Variants in RPS6KA3 observed in about 807,000 individuals in gnomAD.
RPS6KA3 encodes ribosomal protein S6 kinase A3, also known as ribosomal protein S6 kinase alpha-3.
RPS6KA3 carries 4 observed loss-of-function variants against 67.2 expected under a neutral mutation model. The observed-to-expected ratio is 0.06, with a 90% CI of 0.03 to 0.14. RPS6KA3 has a LOEUF of 0.14. RPS6KA3 is among the 10% of genes least tolerant of loss of function. The probability of loss-of-function intolerance (pLI) is 1.00; values close to 1 mark genes in which losing one functional copy is unlikely to be tolerated. For synonymous variants in RPS6KA3, 182 were observed against 183.7 expected (o/e 0.99, Z 0.07); for missense variants, 204 against 559.0 (o/e 0.36, Z 6.40).
intron 9 of RPS6KA3, 79 bp downstream of exon 9, chrX:20,187,749 C>G: frequency 1.2e-6 from 1 of 825,404 alleles, no homozygotes; most frequent in Admixed American, 2.2e-5. Flanking sequence ...AATAAAAACA[C>G]CAGTTTCTTT....
chrX:20,253,034 AC>A (rs2147057166), intron 1 of RPS6KA3, among the ~76,000 whole-genome samples: 1 of 110,561 alleles, frequency 9.0e-6, no homozygotes, highest in South Asian at 3.9e-4. Flanking sequence ...GCTAGACACC[AC>A]CCTGGCAAGA....
At chrX:20,200,800 G>GC (rs761376471) in intron 4 of RPS6KA3, among the ~76,000 whole-genome samples, 3 of 110,470 alleles carry the variant, frequency 2.7e-5, no homozygotes, top group Non-Finnish European at 5.7e-5. Context: ...TCCCGCTTTA[G>GC]CCCCCCCAGT....
In RPS6KA3 at chrX:20,193,537, T is replaced by G; in HGVS notation, c.543A>C (p.Leu181Phe). The change falls in exon 7 of 22, where the codon TTA becomes TTC. Residue 181 changes from leucine (L) to phenylalanine (F), a missense_variant. This residue lies in a region of RPS6KA3 where 76 missense variants were observed against 250.3 expected (regional missense o/e 0.30). Coordinates refer to ENST00000379565, the MANE Select transcript of RPS6KA3 (RefSeq NM_004586.3). Reference sequence around the variant, plus strand: ...TTATTCCCAGGCTATGTAGATGGTCTAAAGCAAGTGCAAGTTCAGCCAAGT... The same window carrying G: ...TTATTCCCAGGCTATGTAGATGGTCGAAAGCAAGTGCAAGTTCAGCCAAGT... The part of the protein sequence containing the change: ...KFYLAELALA[L>F]DHLHSLGIIY... 1 of 1,202,110 alleles carries G rather than the reference T, an allele frequency of 8.3e-7. No homozygotes were observed. The highest frequency in any genetic ancestry group is 1.1e-6 in the Non-Finnish European group (1 of 887,025).
intron 7 of RPS6KA3, among the ~76,000 whole-genome samples, chrX:20,192,535 G>GCATAAATTAAA (rs1343122988): frequency 3.8e-5 from 4 of 105,627 alleles, no homozygotes; most frequent in Admixed American, 1.0e-4. Context: ...AAAAAAACGT[G>GCATAAATTAAA]CATAAATTAA....
In RPS6KA3 at chrX:20,180,873, T is replaced by C. The variant is rs1257731305; in HGVS notation, c.846-3789A>G. Among the ~76,000 whole-genome samples, 4 of 112,483 alleles carry C rather than the reference T, an allele frequency of 3.6e-5. 1 individual carries two copies. In the South Asian group the frequency reaches 1.5e-3, roughly 41 times the overall value. ...AAGATAAATCCAGAAAGCAGAGTTC[T>C]ATAAAACAACTGACTAGGTTTCTAT... On this transcript the variant is annotated intron_variant, in intron 10 of 21. Coordinates refer to ENST00000379565, the MANE Select transcript of RPS6KA3 (RefSeq NM_004586.3).
chrX:20,159,444 C>A (rs759590663), intron 20 of RPS6KA3, among the ~76,000 whole-genome samples: 1 of 112,340 alleles, frequency 8.9e-6, no homozygotes, highest in Non-Finnish European at 1.9e-5. Context: ...ATTGATAGAG[C>A]CCTCCCTTCT....
chrX:20,251,024 C>T (rs996765036), intron 1 of RPS6KA3, among the ~76,000 whole-genome samples: 1 of 112,162 alleles, frequency 8.9e-6, no homozygotes, highest in East Asian at 2.8e-4. Flanking sequence ...GCATCCAAGA[C>T]CACTCTGATT....
chrX:20,224,262 C>T (rs995446893), intron 2 of RPS6KA3, among the ~76,000 whole-genome samples: 1 of 110,801 alleles, frequency 9.0e-6, no homozygotes, highest in Non-Finnish European at 1.9e-5. Context: ...TGGTCGGTGA[C>T]TGACTTAGGT....
In RPS6KA3 at chrX:20,195,172, T is replaced by C. The variant is rs750598795; in HGVS notation, c.326-27A>G. On this transcript the variant is annotated intron_variant, in intron 4 of 21. Transcript: ENST00000379565. The stretch of plus-strand genomic sequence containing the variant: ...TATAAAAGATTGTATGTATGCTACA[T>C]TGTAATATCTTTCAAAGATAATCTT... 2.7e-5 allele frequency: 25 copies of C among 937,879 alleles called. 1 individual carries two copies. The highest frequency in any genetic ancestry group is 2.6e-4 in the Middle Eastern group (1 of 3,836). 77.3% of individuals were successfully genotyped at this position (937,879 alleles called of 1,213,427 possible).
At chrX:20,242,931 C>G (rs772813590) in intron 1 of RPS6KA3, among the ~76,000 whole-genome samples, 8 of 110,990 alleles carry the variant, frequency 7.2e-5, no homozygotes, top group Non-Finnish European at 1.1e-4. Context: ...ACTACTCTCT[C>G]CAGTCTGGTA....
chrX:20,232,247 A>T (rs1344250578), intron 2 of RPS6KA3, among the ~76,000 whole-genome samples: 7 of 109,304 alleles, frequency 6.4e-5, no homozygotes, highest in African/African-American at 2.3e-4. Context: ...TAACCAAAGC[A>T]TGAAACCCAG....
chrX:20,255,463 G>T (rs1173954974), intron 1 of RPS6KA3, among the ~76,000 whole-genome samples: 1 of 111,797 alleles, frequency 8.9e-6, no homozygotes, highest in African/African-American at 3.3e-5. Context: ...ATACAAGGGT[G>T]AATTTTATAG....
At chrX:20,263,823 AG>A (rs943527921) in intron 1 of RPS6KA3, among the ~76,000 whole-genome samples, 5 of 111,438 alleles carry the variant, frequency 4.5e-5, no homozygotes, top group African/African-American at 1.3e-4. Context: ...GGATTCAGAG[AG>A]GGGGGGAAAA....
At chrX:20,188,588 C>T in intron 7 of RPS6KA3, 54 bp from the exon 8 acceptor site, 1 of 632,881 alleles carries the variant, frequency 1.6e-6, no homozygotes, top group East Asian at 3.4e-5. Flanking sequence ...TTTATAGAAG[C>T]TAAGACTGAA....
At position 20,213,519 on chromosome X, in the gene RPS6KA3, A is replaced by T. The variant is rs1431803292; in HGVS notation, c.127-4115T>A. 5.4e-5 allele frequency among the ~76,000 whole-genome samples: 6 copies of T among 111,133 alleles called. No individual in the cohort carries two copies. In the Admixed American group the frequency reaches 5.8e-4, roughly 11 times the overall value. ...GCAAAAGGAGGCTAATAGTGCCCAT[A>T]TATTCTTCCTCTTAAACTTCTTCCC... On this transcript the variant is annotated intron_variant, in intron 2 of 21. Coordinates refer to ENST00000379565, the MANE Select transcript of RPS6KA3 (RefSeq NM_004586.3).
intron 2 of RPS6KA3, among the ~76,000 whole-genome samples, chrX:20,227,283 T>A (rs1156916848): frequency 8.9e-6 from 1 of 111,795 alleles, no homozygotes; most frequent in East Asian, 2.8e-4. Context: ...TAAACTTTCA[T>A]CATGCTTGTA....
chrX:20,175,135 A>T (rs2067667914), intron 14 of RPS6KA3, 29 bp downstream of exon 14: 1 of 1,170,960 alleles, frequency 8.5e-7, no homozygotes, highest in Admixed American at 2.2e-5. Context: ...CAACATTCCA[A>T]ATCTAAAATT....
chrX:20,264,558 T>C (rs895081807), intron 1 of RPS6KA3, among the ~76,000 whole-genome samples: 3 of 112,142 alleles, frequency 2.7e-5, no homozygotes, highest in African/African-American at 6.5e-5. Flanking sequence ...TCTATAACAA[T>C]GGGGACCATA....
rs184214178 is a variant in RPS6KA3, at chrX:20,186,840, T to C, written c.775-474A>G. ...GATATGCCAATTTCATATGAACTTA[T>C]TTATTTTTTTTGAGACGGAGTCTTA... On this transcript the variant is annotated intron_variant, in intron 9 of 21. Transcript: ENST00000379565. 3.6e-5 allele frequency among the ~76,000 whole-genome samples: 4 copies of C among 112,418 alleles called. No individual in the cohort carries two copies. The East Asian group carries it at 1.1e-3, about 31-fold the overall frequency.
Sources: gnomAD v4.1 joint callset for allele counts (sites outside exome capture counted in the v4.1 genomes callset) on GRCh38, gnomAD v4.1.1 for gene constraint, gnomAD v4.1.1 regional missense constraint, MANE v1.5 for transcripts, NCBI Gene and HGNC (gene_info 2026-07-23, HGNC 2026-07-21) for gene names.